The following MAGI2 variants were observed in gnomAD, a reference collection of about 807,000 sequenced individuals.
The protein encoded by MAGI2 is membrane associated guanylate kinase, WW and PDZ domain containing 2, also known as membrane-associated guanylate kinase, WW and PDZ domain-containing protein 2.
MAGI2 carries 35 observed loss-of-function variants against 133.3 expected under a neutral mutation model. That is an observed-to-expected ratio of 0.26 (90% confidence interval 0.20 to 0.35). The LOEUF (loss-of-function observed/expected upper bound fraction) is 0.35, where lower values mean the gene tolerates loss of function less well. MAGI2 is among the 10% of genes least tolerant of loss of function. The probability of loss-of-function intolerance (pLI) is 1.00; values close to 1 mark genes in which losing one functional copy is unlikely to be tolerated. For missense variants in MAGI2, 1,636 were observed against 1,863.4 expected, an observed-to-expected ratio of 0.88 and a Z score of 2.25; for synonymous variants, 729 against 710.6, an observed-to-expected ratio of 1.03 and a Z score of -0.41.
chr7:79,124,010 A>C (rs1820165880), intron 1 of MAGI2, among the ~76,000 whole-genome samples: 1 of 151,952 alleles, frequency 6.6e-6, no homozygotes, highest in African/African-American at 2.4e-5. Context: ...AATCTTGAAA[A>C]TGGAGAAGCA....
At chr7:79,440,372 G>T (rs1315018175) in intron 1 of MAGI2, among the ~76,000 whole-genome samples, 1 of 151,824 alleles carries the variant, frequency 6.6e-6, no homozygotes, top group South Asian at 2.1e-4. Flanking sequence ...AATTTTTGTG[G>T]CTGGTTTGCT....
intron 2 of MAGI2, among the ~76,000 whole-genome samples, chr7:78,639,200 C>T (rs1810005737): frequency 1.3e-5 from 2 of 151,968 alleles, no homozygotes; most frequent in Non-Finnish European, 2.9e-5. Context: ...CTGAAATGCC[C>T]AAGGTAGATA....
At chr7:78,439,394 T>C (rs1278796541) in intron 6 of MAGI2, among the ~76,000 whole-genome samples, 2 of 152,170 alleles carry the variant, frequency 1.3e-5, no homozygotes, top group African/African-American at 4.8e-5. Context: ...GTGTAAATAG[T>C]AATTTTATGT....
At position 78,688,521 on chromosome 7, in the gene MAGI2, AAC is replaced by A. The variant is rs1405177454; in HGVS notation, c.419-61284_419-61283del. Among the ~76,000 whole-genome samples, 7 of 152,386 alleles carry A rather than the reference AAC, an allele frequency of 4.6e-5. No individual in the cohort carries two copies. In the East Asian group the frequency reaches 1.4e-3, roughly 29 times the overall value. ...GCAAGGCTTTTAAAAGAAAAAAAGAAACACACATTAGAAGAAGGGACCACAGA... is the reference window on the plus strand; with the variant it reads ...GCAAGGCTTTTAAAAGAAAAAAAGAAACACATTAGAAGAAGGGACCACAGA... On this transcript the variant is annotated intron_variant, in intron 2 of 21. Coordinates refer to ENST00000354212, the MANE Select transcript of MAGI2 (RefSeq NM_012301.4).
At position 78,637,215 on chromosome 7, in the gene MAGI2, G is replaced by A. The variant is rs143357233; in HGVS notation, c.419-9976C>T. On this transcript the variant is annotated intron_variant, in intron 2 of 21. Transcript: ENST00000354212. ...ATTTTCTGGTGCATAGATGAACAGA[G>A]TCATGAGGAGTATTTTTCATAGTGA... is the stretch of plus-strand genomic sequence containing the variant. Among the ~76,000 whole-genome samples the A allele has an allele frequency of 5.3e-4, 80 of 152,288 alleles. 3 individuals carry two copies. In the East Asian group the frequency reaches 0.014, roughly 27 times the overall value.
At chr7:78,806,867 C>CAAAAT (rs150570172) in intron 2 of MAGI2, among the ~76,000 whole-genome samples, 7,022 of 128,620 alleles carry the variant, frequency 0.055, 209 homozygotes, top group Admixed American at 0.088. Flanking sequence ...CACCCTGTCT[C>CAAAAT]AAAATAAAAT....
chr7:78,383,866 T>A (rs1795143794), intron 6 of MAGI2, among the ~76,000 whole-genome samples: 1 of 152,126 alleles, frequency 6.6e-6, no homozygotes, highest in African/African-American at 2.4e-5. Context: ...TTTCCCACCA[T>A]AAGTTCTTGT....
At chr7:78,879,898 G>A (rs1294046570) in intron 2 of MAGI2, among the ~76,000 whole-genome samples, 1 of 152,028 alleles carries the variant, frequency 6.6e-6, no homozygotes, top group Non-Finnish European at 1.5e-5. Flanking sequence ...TTCTGGAATT[G>A]CAAAACTTCA....
At chr7:78,878,193 C>G (rs549795) in intron 2 of MAGI2, among the ~76,000 whole-genome samples, 150,480 of 152,318 alleles carry the variant, frequency 0.99, 74,338 homozygotes, top group Non-Finnish European at 1. Context: ...TTCATATATG[C>G]CTGACTCAAT....
chr7:79,077,603 AT>A (rs201057969), intron 1 of MAGI2, among the ~76,000 whole-genome samples: 35,356 of 78,618 alleles, frequency 0.45, 12,935 homozygotes, highest in Non-Finnish European at 0.6. Flanking sequence ...AAATAAATAA[AT>A]AAATAAATTC....
intron 2 of MAGI2, among the ~76,000 whole-genome samples, chr7:78,858,547 T>C (rs548705192): frequency 1.3e-5 from 2 of 152,334 alleles, no homozygotes; most frequent in South Asian, 2.1e-4. Context: ...TCAGTTTCCA[T>C]GTAGTTGAGC....
At chr7:79,281,487 A>G (rs899697167) in intron 1 of MAGI2, among the ~76,000 whole-genome samples, 3 of 152,000 alleles carry the variant, frequency 2.0e-5, no homozygotes, top group African/African-American at 7.2e-5. Context: ...TGATGCTGCT[A>G]TTACATATTA....
Position 78,185,658 on chromosome 7 carries a change from G to A in MAGI2, c.2282C>T (p.Pro761Leu). 1 of 1,584,460 alleles carries A rather than the reference G, an allele frequency of 6.3e-7. No homozygotes were observed. The highest frequency in any genetic ancestry group is 1.2e-5 in the South Asian group (1 of 86,718). The change falls in exon 13 of 22, where the codon CCC (proline) becomes CTC (leucine). Residue 761 changes from proline (P) to leucine (L), a missense_variant. By Grantham distance (98) the Pro-to-Leu change is moderately conservative. This residue lies in a region of MAGI2 where 920 missense variants were observed against 1,093.5 expected (regional missense o/e 0.84). Coordinates refer to ENST00000354212, the MANE Select transcript of MAGI2 (RefSeq NM_012301.4). ...AIYESRQQVP[P>L]RTSFRMDSSG... ...GGAATCCATTCGAAAACTGGTCCTG[G>A]GTGGCACTTGTTCTGGATGGGAAAA...
chr7:78,675,793 G>A (rs553897031), intron 2 of MAGI2, among the ~76,000 whole-genome samples: 6 of 152,076 alleles, frequency 3.9e-5, no homozygotes, highest in Non-Finnish European at 7.4e-5. Context: ...CATCCTTCTT[G>A]TTTTCCAAAT....
intron 1 of MAGI2, among the ~76,000 whole-genome samples, chr7:79,235,337 C>T (rs374674156): frequency 0.039 from 5,868 of 151,958 alleles, 177 homozygotes; most frequent in African/African-American, 0.078. Flanking sequence ...TCGAGCTTCC[C>T]GGCTGCTTTG....
intron 2 of MAGI2, among the ~76,000 whole-genome samples, chr7:78,692,528 T>G (rs1817075436): frequency 6.6e-6 from 1 of 152,178 alleles, no homozygotes; most frequent in Non-Finnish European, 1.5e-5. Context: ...GTCTTTAGGA[T>G]TCGATTAAGT....
At chr7:78,529,868 A>T (rs1422222588) in intron 3 of MAGI2, among the ~76,000 whole-genome samples, 1 of 150,994 alleles carries the variant, frequency 6.6e-6, no homozygotes, top group African/African-American at 2.4e-5. Context: ...AAAATGTGAA[A>T]GTAATTTTAA....
At chr7:78,629,910 T>C (rs541321325) in intron 2 of MAGI2, among the ~76,000 whole-genome samples, 1 of 152,176 alleles carries the variant, frequency 6.6e-6, no homozygotes, top group African/African-American at 2.4e-5. Context: ...GGAATTATCA[T>C]CCATCTTGCT....
At chr7:78,131,411 G>A (rs1202508158) in intron 18 of MAGI2, among the ~76,000 whole-genome samples, 1 of 152,208 alleles carries the variant, frequency 6.6e-6, no homozygotes, top group Non-Finnish European at 1.5e-5. Context: ...CTGTGGCACA[G>A]GGAACACAGT....
Sources: gnomAD v4.1 joint callset for allele counts (sites outside exome capture counted in the v4.1 genomes callset) on GRCh38, gnomAD v4.1.1 for gene constraint, gnomAD v4.1.1 regional missense constraint, MANE v1.5 for transcripts, NCBI Gene and HGNC (gene_info 2026-07-23, HGNC 2026-07-21) for gene names.